Variants in ASXL2 observed in about 807,000 individuals in gnomAD.
ASXL2 encodes the protein putative Polycomb group protein ASXL2.
A neutral mutation model predicts 122.0 loss-of-function variants in ASXL2; 23 were observed. The observed-to-expected ratio is 0.19, with a 90% CI of 0.14 to 0.27. The LOEUF (loss-of-function observed/expected upper bound fraction) is 0.27. Among genes scored for constraint, ASXL2 ranks in the 10% least tolerant of loss-of-function variants. The probability of loss-of-function intolerance (pLI) is 1.00; values close to 1 mark genes in which losing one functional copy is unlikely to be tolerated. For synonymous variants in ASXL2, 650 were observed against 637.0 expected (o/e 1.02, Z -0.31); for missense variants, 1,518 against 1,713.8 (o/e 0.89, Z 2.02).
chr2:25,752,192 T>A (rs1013363185), intron 11 of ASXL2, among the ~76,000 whole-genome samples: 1 of 152,166 alleles, frequency 6.6e-6, no homozygotes, highest in African/African-American at 2.4e-5. Context: ...TGGTTACGGG[T>A]CTTCTTAAGG....
At chr2:25,802,946 C>T (rs967025663) in intron 4 of ASXL2, among the ~76,000 whole-genome samples, 3 of 152,136 alleles carry the variant, frequency 2.0e-5, no homozygotes, top group Non-Finnish European at 4.4e-5. Context: ...GCCTGGCCAA[C>T]ATGGTAAAAC....
rs899335554 is a variant in ASXL2 at position 25,738,488 on chromosome 2, C to CT, written c.*3540dup. 1 of 152,148 alleles carries CT rather than the reference C, an allele frequency of 6.6e-6. No homozygotes were observed. Among genetic ancestry groups the CT allele is most frequent in the African/African-American group, 2.4e-5 (1 of 41,424 alleles). The allele number at this position is 152,148 out of a possible 1,614,324, so 9.4% of individuals were successfully genotyped here. ...ACACAGTTGTAAGGAGATGGGGAGA[C>CT]TTTTCCCTCCTTGCTATGATGTGAA... On this transcript the variant is annotated 3_prime_UTR_variant, in exon 13 of 13. Transcript: ENST00000435504.
rs565983931 is a variant in ASXL2 at position 25,855,574 on chromosome 2, G to A, written c.58-10011C>T. ...ATCTCAACTTGGGAAGCTGAGGCAGGAGAATCACTTGAACCCAGGAGGTGG... is the reference window on the plus strand; with the variant it reads ...ATCTCAACTTGGGAAGCTGAGGCAGAAGAATCACTTGAACCCAGGAGGTGG... On this transcript the variant is annotated intron_variant, in intron 1 of 12. Coordinates refer to ENST00000435504, the MANE Select transcript of ASXL2 (RefSeq NM_018263.6). Among the ~76,000 whole-genome samples, 15 of 152,232 alleles carry A rather than the reference G, an allele frequency of 9.9e-5. No individual in the cohort carries two copies. In the South Asian group the frequency reaches 2.7e-3, roughly 27 times the overall value.
intron 5 of ASXL2, among the ~76,000 whole-genome samples, chr2:25,778,360 G>A (rs2088580830): frequency 6.6e-6 from 1 of 152,206 alleles, no homozygotes; most frequent in South Asian, 2.1e-4. Flanking sequence ...GTGTTCATAA[G>A]GCAAGGAAGT....
At chr2:25,776,661 T>G (rs1237863027) in intron 5 of ASXL2, among the ~76,000 whole-genome samples, 2 of 152,216 alleles carry the variant, frequency 1.3e-5, no homozygotes, top group African/African-American at 4.8e-5. Flanking sequence ...CCAATGCTTA[T>G]TATTGTCTGT....
chr2:25,828,846 A>AAC (rs1553703417), intron 3 of ASXL2, among the ~76,000 whole-genome samples: 3 of 151,106 alleles, frequency 2.0e-5, no homozygotes, highest in African/African-American at 4.9e-5. Context: ...AAAAAAAAAA[A>AAC]AACAACAACC....
At chr2:25,835,639 T>C in intron 2 of ASXL2, 99 bp from the exon 3 acceptor site, 1 of 224,554 alleles carries the variant, frequency 4.5e-6, no homozygotes, top group Non-Finnish European at 9.7e-6. Flanking sequence ...AAACTGTCCC[T>C]TCCCATCCCA....
At chr2:25,814,663 A>C (rs1574430074) in intron 3 of ASXL2, among the ~76,000 whole-genome samples, 2 of 152,238 alleles carry the variant, frequency 1.3e-5, no homozygotes, top group Admixed American at 1.3e-4. Context: ...TGTTTTGTAC[A>C]TAAGGCCCAA....
chr2:25,755,915 C>T (rs1241082562), intron 10 of ASXL2, 103 bp downstream of exon 10: 9 of 956,664 alleles, frequency 9.4e-6, no homozygotes, highest in African/African-American at 1.6e-5. Context: ...CCTATGGAAA[C>T]ATCCTGTCCT....
intron 1 of ASXL2, among the ~76,000 whole-genome samples, chr2:25,847,820 T>C (rs1478192801): frequency 6.6e-6 from 1 of 152,130 alleles, no homozygotes; most frequent in Non-Finnish European, 1.5e-5. Context: ...AAGTTGCAGG[T>C]TTAAATATAG....
intron 1 of ASXL2, among the ~76,000 whole-genome samples, chr2:25,849,598 C>T (rs1009901820): frequency 2.6e-5 from 4 of 152,142 alleles, no homozygotes; most frequent in Non-Finnish European, 5.9e-5. Context: ...TCTCAGTCTC[C>T]TGAGTAGCTA....
chr2:25,866,353 T>C (rs2089904312), intron 1 of ASXL2, among the ~76,000 whole-genome samples: 1 of 152,076 alleles, frequency 6.6e-6, no homozygotes, highest in Non-Finnish European at 1.5e-5. Context: ...ATGGTCTCCA[T>C]CTCTTGACCT....
At chr2:25,808,700 GTTCT>G (rs1478457605) in intron 3 of ASXL2, among the ~76,000 whole-genome samples, 3 of 152,114 alleles carry the variant, frequency 2.0e-5, no homozygotes, top group Admixed American at 6.6e-5. Context: ...GGAGAGACCT[GTTCT>G]TTATTTCAAA....
Position 25,749,686 on chromosome 2 carries a change from A to T in ASXL2, c.1860+10T>A. On this transcript the variant is annotated intron_variant, in intron 12 of 12. Coordinates refer to ENST00000435504, the MANE Select transcript of ASXL2 (RefSeq NM_018263.6). ...GATCTCTGCTTTTCTAATTCTCTCC[A>T]TTCTCTTACCTTGAGAGGTGGTACT... 1 of 1,502,760 alleles carries T rather than the reference A, an allele frequency of 6.7e-7. No individual in the cohort carries two copies. The highest frequency in any genetic ancestry group is 2.4e-5 in the Admixed American group (1 of 42,218). The allele number at this position is 1,502,760 out of a possible 1,614,324, so 93.1% of individuals were successfully genotyped here.
In ASXL2 at chr2:25,740,638, A is replaced by G. The variant is rs1353989764; in HGVS notation, c.*1391T>C. 4.4e-6 allele frequency: 1 copy of G among 227,924 alleles called. No individual in the cohort carries two copies. Among genetic ancestry groups the G allele is most frequent in the Non-Finnish European group, 8.7e-6 (1 of 114,892 alleles). 14.1% of individuals were successfully genotyped at this position (227,924 alleles called of 1,614,324 possible). On this transcript the variant is annotated 3_prime_UTR_variant, in exon 13 of 13. Coordinates refer to ENST00000435504, the MANE Select transcript of ASXL2 (RefSeq NM_018263.6). ...AGAAGGATTTAAAAACAAAAAAGGA[A>G]ACAAGAAAGAAAAAGAAACAAAAAC...
At position 25,741,136 on chromosome 2, in the gene ASXL2, C is replaced by T. The variant is rs1160574088; in HGVS notation, c.*893G>A. On this transcript the variant is annotated 3_prime_UTR_variant, in exon 13 of 13. Transcript: ENST00000435504. ...CAAATCACCCAATCACTAACACTTT[C>T]CTGTTCATTTTATATGAGTATTTCA... The T allele has an allele frequency of 4.8e-6, 1 of 208,606 alleles. No individual in the cohort carries two copies. Among genetic ancestry groups the T allele is most frequent in the African/African-American group, 2.3e-5 (1 of 43,950 alleles). The allele number at this position is 208,606 out of a possible 1,614,324, so 12.9% of individuals were successfully genotyped here.
At chr2:25,826,257 GAA>G (rs1432446659) in intron 3 of ASXL2, among the ~76,000 whole-genome samples, 1 of 151,776 alleles carries the variant, frequency 6.6e-6, no homozygotes, top group African/African-American at 2.4e-5. Context: ...AAGTGGGCTG[GAA>G]AAGTTTGACA....
At chr2:25,843,277 G>A (rs2089609051) in intron 2 of ASXL2, among the ~76,000 whole-genome samples, 1 of 149,978 alleles carries the variant, frequency 6.7e-6, no homozygotes, top group African/African-American at 2.5e-5. Context: ...ACTCCAGCCT[G>A]GGCGACACAG....
At position 25,744,031 on chromosome 2, in the gene ASXL2, G is replaced by C. The variant is rs1044016824; in HGVS notation, c.2306C>G (p.Ser769Cys). ...GGGGGTTTGCTGTAGTTGTGCTCCA[G>C]AGACACTATGAGGCTGTGCCTGGCT... ...TPSQAQPHSV[S>C]GAQLQQTPPV... The change falls in exon 13 of 13, where the codon TCT becomes TGT. Residue 769 changes from serine to cysteine, a missense_variant. Transcript: ENST00000435504. The surrounding 1 kb of genome is among the most constrained non-coding windows in gnomAD (Gnocchi z 4.7). 3 of 1,613,994 alleles carry C rather than the reference G, an allele frequency of 1.9e-6. No homozygotes were observed. Among genetic ancestry groups the C allele is most frequent in the East Asian group, 2.2e-5 (1 of 44,894 alleles).
Sources: gnomAD v4.1 joint callset for allele counts (sites outside exome capture counted in the v4.1 genomes callset) on GRCh38, gnomAD v4.1.1 for gene constraint, Gnocchi (gnomAD v3.1) non-coding constraint, MANE v1.5 for transcripts, NCBI Gene and HGNC (gene_info 2026-07-23, HGNC 2026-07-21) for gene names.